GART: variants seen among roughly 807,000 people sequenced by gnomAD.
GART encodes trifunctional purine biosynthetic protein adenosine-3.
A neutral mutation model predicts 107.2 loss-of-function variants in GART; 43 were observed. The observed-to-expected ratio is 0.40, with a 90% CI of 0.31 to 0.52. GART has a LOEUF of 0.52. Among genes scored for constraint, GART ranks in the 20% least tolerant of loss-of-function variants. The probability of loss-of-function intolerance (pLI) is 0.52; values close to 1 mark genes in which losing one functional copy is unlikely to be tolerated. For missense variants in GART, 1,107 were observed against 1,206.5 expected (o/e 0.92, Z 1.22); for synonymous variants, 434 against 427.0 (o/e 1.02, Z -0.20).
At chr21:33,540,662 TAGTAAATGTTA>T in intron 1 of GART, among the ~76,000 whole-genome samples, 1 of 152,334 alleles carries the variant, frequency 6.6e-6, no homozygotes, top group Non-Finnish European at 1.5e-5. Flanking sequence ...CACTCAGCAG[TAGTAAATGTTA>T]ACTTGTTACA....
chr21:33,532,561 C>T, intron 4 of GART, 105 bp from the exon 5 acceptor site: 1 of 822,336 alleles, frequency 1.2e-6, no homozygotes, highest in Non-Finnish European at 2.0e-6. Context: ...GACTGAAAAG[C>T]AGAAAGAAAA....
chr21:33,533,056 A>T (rs1012147193), intron 4 of GART, among the ~76,000 whole-genome samples: 5 of 152,258 alleles, frequency 3.3e-5, no homozygotes, highest in Non-Finnish European at 1.5e-5. Context: ...CAACAAAAAA[A>T]GGGCAAATGC....
intron 2 of GART, among the ~76,000 whole-genome samples, chr21:33,536,735 T>A (rs1459490310): frequency 6.6e-6 from 1 of 152,176 alleles, no homozygotes; most frequent in Admixed American, 6.5e-5. Flanking sequence ...GATAATATGA[T>A]AGTCAATCTG....
chr21:33,535,128 T>A (rs920000790), intron 3 of GART, 97 bp downstream of exon 3: 3 of 784,138 alleles, frequency 3.8e-6, no homozygotes, highest in Non-Finnish European at 5.7e-6. Flanking sequence ...CAAGATAATA[T>A]TACAAATTCT....
At chr21:33,541,454 A>C (rs996761893) in intron 1 of GART, among the ~76,000 whole-genome samples, 19 of 152,238 alleles carry the variant, frequency 1.2e-4, no homozygotes, top group African/African-American at 3.6e-4. Flanking sequence ...CAGATCTTTA[A>C]ATCTAGAGCA....
intron 16 of GART, 67 bp from the exon 17 acceptor site, chr21:33,511,525 A>G: frequency 7.0e-7 from 1 of 1,428,302 alleles, no homozygotes; most frequent in East Asian, 2.3e-5. Context: ...AAGTATGCAC[A>G]TATTCAAAGA....
At position 33,504,273 on chromosome 21, in the gene GART, GA is replaced by G. The variant is rs1199359831; in HGVS notation, c.2883del (p.Val963Ter). ...GCGACAGTATCACCCCTCTTCACGG[GA>G]ACAGCTTCTTGCAAAATAATCTGTC... ...DAGQIILQEA[V>X]PVKRGDTVAT... On this transcript the variant is annotated frameshift_variant, in exon 22 of 22. Transcript: ENST00000381815. LOFTEE classifies it high-confidence loss of function. The G allele has an allele frequency of 2.5e-6, 4 of 1,614,110 alleles. No individual in the cohort carries two copies. Among genetic ancestry groups the G allele is most frequent in the Non-Finnish European group, 3.4e-6 (4 of 1,180,016 alleles).
chr21:33,530,063 G>A (rs2085154326), intron 7 of GART, among the ~76,000 whole-genome samples: 1 of 152,108 alleles, frequency 6.6e-6, no homozygotes, highest in Non-Finnish European at 1.5e-5. Flanking sequence ...GTGGTGGCCT[G>A]TGCCTGTAGT....
At chr21:33,528,701 A>G in intron 8 of GART, 97 bp from the exon 9 acceptor site, 1 of 1,042,142 alleles carries the variant, frequency 9.6e-7, no homozygotes, top group Non-Finnish European at 1.4e-6. Context: ...AACTTCTAAT[A>G]ATCAAAGTTT....
chr21:33,528,753 T>C (rs2085124091), intron 8 of GART, 97 bp downstream of exon 8: 1 of 940,162 alleles, frequency 1.1e-6, no homozygotes, highest in South Asian at 1.8e-5. Flanking sequence ...CATTAAAAAG[T>C]GGTAAAAAAA....
chr21:33,536,054 C>T (rs978768610), intron 2 of GART, among the ~76,000 whole-genome samples: 1 of 151,784 alleles, frequency 6.6e-6, no homozygotes, highest in Non-Finnish European at 1.5e-5. Context: ...AATTTATCAA[C>T]ACAAGCAGGG....
chr21:33,536,225 G>GT (rs1273801509), intron 2 of GART, among the ~76,000 whole-genome samples: 2 of 152,158 alleles, frequency 1.3e-5, no homozygotes, highest in Non-Finnish European at 2.9e-5. Context: ...GGGCAGAGCT[G>GT]TTTAAGTTAA....
chr21:33,509,981 G>A, intron 17 of GART, 61 bp from the exon 18 acceptor site: 2 of 1,457,266 alleles, frequency 1.4e-6, no homozygotes, highest in Non-Finnish European at 1.9e-6. Context: ...AAGAATAATG[G>A]AAAGAAAAAT....
chr21:33,520,751 T>C (rs2084958631), intron 13 of GART, 155 bp downstream of exon 13: 1 of 715,036 alleles, frequency 1.4e-6, no homozygotes, highest in Non-Finnish European at 2.3e-6. Flanking sequence ...AATAATAATT[T>C]GTTATTAGAA....
Position 33,530,844 on chromosome 21 carries a change from G to T in GART, c.638C>A (p.Pro213His). 1 of 1,532,762 alleles carries T rather than the reference G, an allele frequency of 6.5e-7. No individual in the cohort carries two copies. Among genetic ancestry groups the T allele is most frequent in the Non-Finnish European group, 8.7e-7 (1 of 1,150,628 alleles). 94.9% of individuals were successfully genotyped at this position (1,532,762 alleles called of 1,614,324 possible). ...FTDGKTVAPM[P>H]PAQDHKRLLE... ...TAATCGCTTATGGTCCTGTGCTGGG[G>T]GCATGGGGGCCACAGTCTTGCCATC... The change falls in exon 7 of 22, where the codon CCC (proline) becomes CAC (histidine). Residue 213 changes from proline (P) to histidine (H), a missense_variant. Physicochemically the swap from Pro to His is moderately conservative, Grantham distance 77. Coordinates refer to ENST00000381815, the MANE Select transcript of GART (RefSeq NM_000819.5).
At chr21:33,533,247 G>A (rs1240891316) in intron 4 of GART, among the ~76,000 whole-genome samples, 1 of 151,214 alleles carries the variant, frequency 6.6e-6, no homozygotes, top group Non-Finnish European at 1.5e-5. Flanking sequence ...AGACCATCCT[G>A]GCTAACACAG....
In GART at chr21:33,524,899, T is replaced by TGA. The variant is rs1353462422; in HGVS notation, c.1166_1167dup (p.Thr390SerfsTer19). On this transcript the variant is annotated frameshift_variant, in exon 11 of 22. Transcript: ENST00000381815. LOFTEE classifies it high-confidence loss of function. ...GATATGAGATTTTCCCGGATGGCTG[T>TGA]GACTGCAAGAACTCTACCCCCATGA... 1 of 1,614,096 alleles carries TGA rather than the reference T, an allele frequency of 6.2e-7. No homozygotes were observed. The highest frequency in any genetic ancestry group is 1.3e-5 in the African/African-American group (1 of 74,938).
In GART at chr21:33,526,593, A is replaced by G. The variant is rs554947666; in HGVS notation, c.1066+1574T>C. Among the ~76,000 whole-genome samples, 5 of 152,126 alleles carry G rather than the reference A, an allele frequency of 3.3e-5. No individual in the cohort carries two copies. The South Asian group carries it at 1.0e-3, about 32-fold the overall frequency. ...AGTTTCTTTCTTTTCAGTATAACCA[A>G]TATGATCAGTACAATGCAAAACATA... On this transcript the variant is annotated intron_variant, in intron 10 of 21. Transcript: ENST00000381815.
intron 5 of GART, chr21:33,531,828 G>A: frequency 2.6e-6 from 1 of 390,972 alleles, no homozygotes; most frequent in Non-Finnish European, 4.5e-6. Context: ...AATAAGGTAT[G>A]GGAAAAACAG....
Sources: gnomAD v4.1 joint callset for allele counts (sites outside exome capture counted in the v4.1 genomes callset) on GRCh38, gnomAD v4.1.1 for gene constraint, MANE v1.5 for transcripts, NCBI Gene and HGNC (gene_info 2026-07-23, HGNC 2026-07-21) for gene names.